The following PCDHGA6 variants were observed in gnomAD, a reference collection of about 807,000 sequenced individuals.
The protein encoded by PCDHGA6 is protocadherin gamma-A6.
PCDHGA6 carries 41 observed loss-of-function variants against 60.6 expected under a neutral mutation model. That is an observed-to-expected ratio of 0.68 (90% CI 0.53 to 0.88). PCDHGA6 has a LOEUF of 0.88. Among genes scored for constraint, PCDHGA6 ranks in the 40% least tolerant of loss-of-function variants. The pLI is 0.00. For missense variants in PCDHGA6, 1,312 were observed against 1,203.0 expected (o/e 1.09, Z -1.34); for synonymous variants, 594 against 524.4 (o/e 1.13, Z -1.81).
chr5:141,378,535 T>A (rs1235721694), intron 1 of PCDHGA6: 1 of 152,092 alleles, frequency 6.6e-6, no homozygotes, highest in Non-Finnish European at 1.5e-5. Flanking sequence ...AAAATAATAA[T>A]GATAATTAAT....
chr5:141,410,847 GTC>G (rs2095431261), intron 1 of PCDHGA6: 6 of 158,244 alleles, frequency 3.8e-5, no homozygotes, highest in Admixed American at 8.9e-5. Context: ...TTTTGTCTTT[GTC>G]TTTTTTTTTT....
At chr5:141,399,123 T>C (rs1221457638) in intron 1 of PCDHGA6, 12 of 1,613,828 alleles carry the variant, frequency 7.4e-6, no homozygotes, top group East Asian at 2.2e-5. Context: ...TTGAAATTAA[T>C]ATTCAAGATG....
chr5:141,500,497 C>T (rs1214550546), intron 2 of PCDHGA6, among the ~76,000 whole-genome samples: 1 of 152,174 alleles, frequency 6.6e-6, no homozygotes, highest in Non-Finnish European at 1.5e-5. Context: ...GCGTGAGCCA[C>T]CGCGCCTGGC....
chr5:141,403,362 G>A lies in PCDHGA6; in HGVS notation c.2424+26855G>A, dbSNP rs200979571. 157 of 1,613,944 alleles carry A rather than the reference G, an allele frequency of 9.7e-5. No homozygotes were observed. Among genetic ancestry groups the A allele is most frequent in the Admixed American group, 4.3e-4 (26 of 60,012 alleles). On this transcript the variant is annotated intron_variant, in intron 1 of 3. Transcript: ENST00000517434. ...AGCGCCCCAAAGTTCCAGGCCGAAA[G>A]TCTGGAAGTAAAAATTAACGAAATC... is the stretch of plus-strand genomic sequence containing the variant.
intron 2 of PCDHGA6, among the ~76,000 whole-genome samples, chr5:141,500,399 C>T (rs966328306): frequency 1.3e-5 from 2 of 151,806 alleles, no homozygotes; most frequent in South Asian, 2.1e-4. Context: ...TTAGTAGAGA[C>T]GGGGTTTCAC....
intron 1 of PCDHGA6, chr5:141,383,154 C>T (rs749274128): frequency 1.2e-6 from 2 of 1,613,994 alleles, no homozygotes; most frequent in Non-Finnish European, 1.7e-6. Context: ...GCAGCTTGGT[C>T]ACTGCGGGCA....
At chr5:141,441,087 TGACA>T (rs1168679217) in intron 1 of PCDHGA6, 1 of 152,174 alleles carries the variant, frequency 6.6e-6, no homozygotes, top group Non-Finnish European at 1.5e-5. Flanking sequence ...TGGTAGCAAG[TGACA>T]GAGAGGGACT....
At chr5:141,395,276 A>G in intron 1 of PCDHGA6, 1 of 1,543,522 alleles carries the variant, frequency 6.5e-7, no homozygotes. Flanking sequence ...TTTCCAGATG[A>G]ATTTTATTTG....
intron 1 of PCDHGA6, chr5:141,383,493 G>T: frequency 1.2e-6 from 2 of 1,613,270 alleles, no homozygotes; most frequent in Non-Finnish European, 1.7e-6. Context: ...TGCTGGAGCG[G>T]GTGCTGGACC....
At chr5:141,381,785 G>T (rs1349926565) in intron 1 of PCDHGA6, among the ~76,000 whole-genome samples, 1 of 149,782 alleles carries the variant, frequency 6.7e-6, no homozygotes, top group Non-Finnish European at 1.5e-5. Context: ...CAGGAACAAG[G>T]CAAGGCAATT....
rs146734417 is a variant in PCDHGA6, at chr5:141,431,409, G to T, written c.2424+54902G>T. The T allele has an allele frequency of 1.9e-6, 3 of 1,613,722 alleles. No homozygotes were observed. Among genetic ancestry groups the T allele is most frequent in the Non-Finnish European group, 2.5e-6 (3 of 1,180,048 alleles). On this transcript the variant is annotated intron_variant, in intron 1 of 3. Transcript: ENST00000517434. This position sits in a 1 kb window ranked among gnomAD's most constrained non-coding sequence, Gnocchi z 4.8. Reference sequence around the variant, plus strand: ...CACCTGGTCCTTACGGCCTCCGACGGGGGCGACCCGGTGCGCACAGGCACC... The same window carrying T: ...CACCTGGTCCTTACGGCCTCCGACGTGGGCGACCCGGTGCGCACAGGCACC...
intron 1 of PCDHGA6, chr5:141,421,947 C>T: frequency 6.2e-7 from 1 of 1,613,118 alleles, no homozygotes; most frequent in African/African-American, 1.3e-5. Context: ...ATGATCACAT[C>T]CCAATGTTTA....
chr5:141,419,792 G>A (rs1379811891), intron 1 of PCDHGA6: 1 of 1,614,042 alleles, frequency 6.2e-7, no homozygotes, highest in African/African-American at 1.3e-5. Flanking sequence ...CCTGCTAGTC[G>A]CTGTAAGAGA....
rs1780458671 is a variant in PCDHGA6 at position 141,384,757 on chromosome 5, G to C, written c.2424+8250G>C. Reference sequence around the variant, plus strand: ...CAGCGAGCCAGGACTCTTTGCGGTTGGGCTGTACACGGGCGAGGTGCGCAC... The same window carrying C: ...CAGCGAGCCAGGACTCTTTGCGGTTCGGCTGTACACGGGCGAGGTGCGCAC... On this transcript the variant is annotated intron_variant, in intron 1 of 3. Transcript: ENST00000517434. 7 of 1,613,872 alleles carry C rather than the reference G, an allele frequency of 4.3e-6. No individual in the cohort carries two copies. The East Asian group carries it at 1.6e-4, about 36-fold the overall frequency.
intron 1 of PCDHGA6, chr5:141,423,720 A>T: frequency 3.1e-6 from 3 of 957,770 alleles, no homozygotes; most frequent in Admixed American, 5.5e-5. Context: ...TTTTAAGGAG[A>T]TGTTTTTTGA....
At chr5:141,445,553 A>G (rs948468877) in intron 1 of PCDHGA6, among the ~76,000 whole-genome samples, 1 of 152,252 alleles carries the variant, frequency 6.6e-6, no homozygotes, top group Non-Finnish European at 1.5e-5. Context: ...ATACAAAAGC[A>G]CTAAGAGAAA....
chr5:141,382,128 C>T (rs1777984217), intron 1 of PCDHGA6, among the ~76,000 whole-genome samples: 3 of 152,026 alleles, frequency 2.0e-5, no homozygotes. Context: ...GCACCTGGCC[C>T]CCCCTCTCAT....
chr5:141,456,701 G>A lies in PCDHGA6; in HGVS notation c.2425-38106G>A, dbSNP rs370086323. ...CATTACTGGCCAGGCGTGGTGGCTC[G>A]CGCCTGTAATCCCAGCACTTTGGGA... On this transcript the variant is annotated intron_variant, in intron 1 of 3. Transcript: ENST00000517434. 2.3e-4 allele frequency among the ~76,000 whole-genome samples: 35 copies of A among 152,106 alleles called. No homozygotes were observed. The South Asian group carries it at 4.8e-3, about 21-fold the overall frequency.
At chr5:141,505,574 C>T (rs1275802375) in intron 3 of PCDHGA6, 93 bp downstream of exon 3, 13 of 1,593,636 alleles carry the variant, frequency 8.2e-6, no homozygotes, top group Non-Finnish European at 1.1e-5. Context: ...GGATGTCAAA[C>T]CTGTGTAGTT....
Sources: allele counts gnomAD v4.1 joint callset (sites outside exome capture counted in the v4.1 genomes callset), GRCh38; gene constraint gnomAD v4.1.1; non-coding constraint Gnocchi (gnomAD v3.1); transcripts MANE v1.5; gene names NCBI Gene and HGNC (gene_info 2026-07-23, HGNC 2026-07-21).